Variants in ADGRL4 observed in about 807,000 individuals in gnomAD.
ADGRL4 encodes EGF, latrophilin and seven transmembrane domain containing 1.
In ADGRL4, 90 loss-of-function variants were observed where a neutral mutation model predicts 74.8. The ratio of observed to expected loss-of-function variants is 1.20; its 90% CI spans 1.02 to 1.43. The LOEUF (loss-of-function observed/expected upper bound fraction) is 1.43. Among genes scored for constraint, ADGRL4 ranks in the 40% most tolerant of loss-of-function variants. The probability of loss-of-function intolerance (pLI) is 0.00; values close to 1 mark genes in which losing one functional copy is unlikely to be tolerated. For missense variants in ADGRL4, 881 were observed against 814.3 expected (o/e 1.08, Z -1.00); for synonymous variants, 311 against 279.2 (o/e 1.11, Z -1.14).
intron 2 of ADGRL4, among the ~76,000 whole-genome samples, chr1:78,950,470 G>A (rs867467227): frequency 1.3e-5 from 2 of 151,982 alleles, no homozygotes; most frequent in Non-Finnish European, 1.5e-5. Context: ...AAATATGATC[G>A]GATTTGAGTT....
chr1:78,926,805 T>C, intron 8 of ADGRL4, 81 bp downstream of exon 8: 2 of 998,400 alleles, frequency 2.0e-6, no homozygotes, highest in South Asian at 3.3e-5. Context: ...AGAACTCAGA[T>C]AATTTAAGTG....
At chr1:78,983,716 G>T (rs1409620143) in intron 2 of ADGRL4, among the ~76,000 whole-genome samples, 2 of 151,706 alleles carry the variant, frequency 1.3e-5, no homozygotes, top group East Asian at 1.9e-4. Flanking sequence ...GTTCAAATTT[G>T]GGGAATACAA....
In ADGRL4 at chr1:78,893,147, G is replaced by A. The variant is rs764619199; in HGVS notation, c.1792C>T (p.Arg598Cys). The A allele has an allele frequency of 9.4e-6, 15 of 1,603,162 alleles. No homozygotes were observed. Among genetic ancestry groups the A allele is most frequent in the East Asian group, 6.8e-5 (3 of 44,310 alleles). ...AFGVIIYKVF[R>C]HTAGLKPEVS... ...TCTGGTTTCAACCCTGCAGTGTGAC[G>A]AAAAACTTTGTATATGATGACTCCA... The change falls in exon 13 of 15, where the codon CGT (arginine) becomes TGT (cysteine). Residue 598 changes from arginine (R) to cysteine (C), a missense_variant. Transcript: ENST00000370742.
intron 2 of ADGRL4, among the ~76,000 whole-genome samples, chr1:78,995,481 T>C (rs1313714420): frequency 6.6e-6 from 1 of 152,128 alleles, no homozygotes; most frequent in East Asian, 1.9e-4. Flanking sequence ...GGAGACGAGA[T>C]GAGTACAAAG....
At chr1:78,987,787 C>T (rs974233931) in intron 2 of ADGRL4, among the ~76,000 whole-genome samples, 136 of 151,676 alleles carry the variant, frequency 9.0e-4, no homozygotes, top group Non-Finnish European at 1.6e-4. Context: ...CCAAGACAGG[C>T]CACATTTATT....
At chr1:78,971,648 C>T (rs559367035) in intron 2 of ADGRL4, among the ~76,000 whole-genome samples, 15 of 152,182 alleles carry the variant, frequency 9.9e-5, no homozygotes, top group East Asian at 3.9e-4. Context: ...GGCAAAGATC[C>T]GGCTCCCAGC....
At chr1:78,917,726 C>A (rs1189764696) in intron 11 of ADGRL4, 26 bp from the exon 12 acceptor site, 4 of 1,593,768 alleles carry the variant, frequency 2.5e-6, no homozygotes, top group Non-Finnish European at 3.4e-6. Flanking sequence ...AAGATAGAAT[C>A]TATAAATATG....
chr1:78,935,260 T>G (rs992192810), intron 7 of ADGRL4, among the ~76,000 whole-genome samples: 1 of 152,196 alleles, frequency 6.6e-6, no homozygotes, highest in African/African-American at 2.4e-5. Context: ...GCAGGGACTT[T>G]GATGAGAGCT....
At chr1:78,924,379 A>T (rs1321314355) in intron 8 of ADGRL4, among the ~76,000 whole-genome samples, 1 of 152,056 alleles carries the variant, frequency 6.6e-6, no homozygotes, top group African/African-American at 2.4e-5. Flanking sequence ...AGAATATGCC[A>T]CCAAAATACA....
intron 2 of ADGRL4, among the ~76,000 whole-genome samples, chr1:78,962,346 C>A (rs1466566150): frequency 6.6e-6 from 1 of 152,138 alleles, no homozygotes; most frequent in Non-Finnish European, 1.5e-5. Context: ...TCTCTGCAAT[C>A]TAACTCAATA....
At chr1:78,989,326 G>C (rs1481655877) in intron 2 of ADGRL4, among the ~76,000 whole-genome samples, 2 of 151,746 alleles carry the variant, frequency 1.3e-5, no homozygotes, top group Non-Finnish European at 3.0e-5. Flanking sequence ...GGAAAAGTTA[G>C]TTCACAGATT....
chr1:78,975,339 T>C (rs1267679562), intron 2 of ADGRL4, among the ~76,000 whole-genome samples: 1 of 152,056 alleles, frequency 6.6e-6, no homozygotes, highest in African/African-American at 2.4e-5. Flanking sequence ...GGAACAATGA[T>C]GGTAAATCCT....
intron 2 of ADGRL4, among the ~76,000 whole-genome samples, chr1:78,968,512 G>C (rs1265531122): frequency 5.9e-5 from 8 of 135,808 alleles, no homozygotes; most frequent in Admixed American, 1.5e-4. Flanking sequence ...GTGGGGGGGT[G>C]GGGGGGAGAC....
chr1:78,967,748 C>T (rs937332139), intron 2 of ADGRL4, among the ~76,000 whole-genome samples: 1 of 151,948 alleles, frequency 6.6e-6, no homozygotes, highest in Middle Eastern at 3.4e-3. Flanking sequence ...TTTCTTAAGT[C>T]ATTAATCTGC....
At chr1:78,968,340 C>T (rs1650097933) in intron 2 of ADGRL4, among the ~76,000 whole-genome samples, 1 of 151,974 alleles carries the variant, frequency 6.6e-6, no homozygotes, top group Non-Finnish European at 1.5e-5. Flanking sequence ...AGTAATAGAT[C>T]AGGCTGGAGG....
chr1:78,917,284 A>T (rs1465577724), intron 12 of ADGRL4, among the ~76,000 whole-genome samples: 1 of 151,836 alleles, frequency 6.6e-6, no homozygotes, highest in Non-Finnish European at 1.5e-5. Context: ...ACTGATAAGC[A>T]AAAAATGCTT....
intron 10 of ADGRL4, among the ~76,000 whole-genome samples, chr1:78,918,312 A>G (rs1320107808): frequency 6.6e-6 from 1 of 151,862 alleles, no homozygotes; most frequent in Admixed American, 6.6e-5. Flanking sequence ...ACTTTTATAT[A>G]TTTATCTTAT....
At chr1:78,914,341 G>A (rs1648824597) in intron 12 of ADGRL4, among the ~76,000 whole-genome samples, 1 of 151,698 alleles carries the variant, frequency 6.6e-6, no homozygotes, top group African/African-American at 2.4e-5. Context: ...CATTCATACT[G>A]TAGTTGGCAG....
At chr1:78,930,279 T>C (rs1649210577) in intron 7 of ADGRL4, among the ~76,000 whole-genome samples, 1 of 150,730 alleles carries the variant, frequency 6.6e-6, no homozygotes, top group South Asian at 2.1e-4. Flanking sequence ...GCAAAAATTT[T>C]ACAATTCCTA....
Sources: allele counts gnomAD v4.1 joint callset (sites outside exome capture counted in the v4.1 genomes callset), GRCh38; gene constraint gnomAD v4.1.1; transcripts MANE v1.5; gene names NCBI Gene and HGNC (gene_info 2026-07-23, HGNC 2026-07-21).